Variants in HIVEP2 observed in about 807,000 individuals in gnomAD.
The protein encoded by HIVEP2 is HIVEP zinc finger 2, also known as transcription factor HIVEP2.
In HIVEP2, 14 loss-of-function variants were observed where a neutral mutation model predicts 180.7. The observed-to-expected ratio is 0.08, with a 90% confidence interval of 0.05 to 0.12. The LOEUF (loss-of-function observed/expected upper bound fraction) is 0.12, where lower values mean the gene tolerates loss of function less well. Ranked by LOEUF, HIVEP2 falls within the 10% of genes least tolerant of loss-of-function variation. The pLI, the probability that HIVEP2 is intolerant of heterozygous loss-of-function variation, is 1.00. For missense variants in HIVEP2, 2,579 were observed against 3,008.5 expected (o/e 0.86, Z 3.34); for synonymous variants, 1,184 against 1,136.4 (o/e 1.04, Z -0.84).
At position 142,772,939 on chromosome 6, in the gene HIVEP2, C is replaced by A. The variant is rs375815434; in HGVS notation, c.1800G>T (p.Ser600=). 6.2e-7 allele frequency: 1 copy of A among 1,614,144 alleles called. No individual in the cohort carries two copies. Among genetic ancestry groups the A allele is most frequent in the Non-Finnish European group, 8.5e-7 (1 of 1,180,026 alleles). ...CGACTTCCACGTGGCCCTCCTGTACCGAAGGCAGCTCAAATGCCGCTTGTC... is the reference window on the plus strand; with the variant it reads ...CGACTTCCACGTGGCCCTCCTGTACAGAAGGCAGCTCAAATGCCGCTTGTC... The part of the protein sequence containing the change: ...LRRQAAFELP[S]VQEGHVEVEH... Residue 600 remains serine (S), a synonymous_variant, in exon 5 of 10, where the codon TCG becomes TCT. Coordinates refer to ENST00000367603, the MANE Select transcript of HIVEP2 (RefSeq NM_006734.4). This position sits in a 1 kb window ranked among gnomAD's most constrained non-coding sequence, Gnocchi z 4.9.
At chr6:142,839,008 A>G (rs987277750) in intron 1 of HIVEP2, among the ~76,000 whole-genome samples, 5 of 152,110 alleles carry the variant, frequency 3.3e-5, no homozygotes, top group Admixed American at 3.3e-4. Flanking sequence ...CCCATAGAGT[A>G]CCTAAAAGTG....
intron 1 of HIVEP2, among the ~76,000 whole-genome samples, chr6:142,914,324 T>C (rs1352949557): frequency 2.6e-5 from 4 of 152,206 alleles, no homozygotes; most frequent in African/African-American, 9.6e-5. Flanking sequence ...TTTCCTTTCT[T>C]AGAGGTACAT....
intron 1 of HIVEP2, among the ~76,000 whole-genome samples, chr6:142,856,739 A>C (rs1775831549): frequency 6.6e-6 from 1 of 152,238 alleles, no homozygotes; most frequent in Non-Finnish European, 1.5e-5. Flanking sequence ...ATATCACTCA[A>C]CTTTCAAAAG....
intron 1 of HIVEP2, among the ~76,000 whole-genome samples, chr6:142,931,985 CATA>C (rs1204179189): frequency 6.6e-6 from 1 of 152,158 alleles, no homozygotes; most frequent in Admixed American, 6.5e-5. Context: ...GACACTTTCC[CATA>C]TTGGTGTGTG....
At chr6:142,787,928 A>G (rs962665207) in intron 2 of HIVEP2, among the ~76,000 whole-genome samples, 1 of 152,240 alleles carries the variant, frequency 6.6e-6, no homozygotes, top group African/African-American at 2.4e-5. Flanking sequence ...GGATTCCCAC[A>G]GAGTTTTCAT....
intron 2 of HIVEP2, among the ~76,000 whole-genome samples, chr6:142,804,223 C>T (rs951747121): frequency 3.3e-5 from 5 of 152,160 alleles, no homozygotes; most frequent in Admixed American, 1.3e-4. Context: ...TAAATGAATA[C>T]TATACGTAGT....
In HIVEP2 at chr6:142,774,488, T is replaced by C. The variant is rs1317684137; in HGVS notation, c.251A>G (p.Tyr84Cys). 6.2e-7 allele frequency: 1 copy of C among 1,613,954 alleles called. No individual in the cohort carries two copies. The highest frequency in any genetic ancestry group is 8.5e-7 in the Non-Finnish European group (1 of 1,180,026). Residue 84 changes from tyrosine to cysteine, a missense_variant, in exon 5 of 10, where the codon TAT (tyrosine) becomes TGT (cysteine). Tyr to Cys is a radical substitution (Grantham distance 194). This residue lies in a region of HIVEP2 where 207 missense variants were observed against 210.1 expected (regional missense o/e 0.99). Transcript: ENST00000367603. This position sits in a 1 kb window ranked among gnomAD's most constrained non-coding sequence, Gnocchi z 5.1. ...EVVQQVAEKQ[Y>C]PPHRPSPYSC... ...GTAAGGACTCGGACGATGCGGTGGATATTGCTTCTCTGCGACTTGCTGCAC... is the reference window on the plus strand; with the variant it reads ...GTAAGGACTCGGACGATGCGGTGGACATTGCTTCTCTGCGACTTGCTGCAC...
intron 1 of HIVEP2, among the ~76,000 whole-genome samples, chr6:142,901,814 T>C (rs985966315): frequency 1.3e-5 from 2 of 152,124 alleles, no homozygotes; most frequent in Non-Finnish European, 2.9e-5. Flanking sequence ...AAAATGACCT[T>C]CGTCTTAACC....
intron 1 of HIVEP2, among the ~76,000 whole-genome samples, chr6:142,901,146 A>G (rs1490749913): frequency 6.6e-6 from 1 of 152,236 alleles, no homozygotes; most frequent in Non-Finnish European, 1.5e-5. Context: ...TTGTAAATCA[A>G]TATGTCAAAA....
At position 142,846,425 on chromosome 6, in the gene HIVEP2, CCCGG is replaced by C. The variant is rs1277265201; in HGVS notation, c.-640-9382_-640-9379del. On this transcript the variant is annotated intron_variant, in intron 1 of 9. Coordinates refer to ENST00000367603, the MANE Select transcript of HIVEP2 (RefSeq NM_006734.4). ...ACAGCTAAGTGAGATGTGACATTCT[CCCGG>C]TCCCCTTAATAGGGCATTAAGTCTA... is the stretch of plus-strand genomic sequence containing the variant. Among the ~76,000 whole-genome samples, 7 of 152,196 alleles carry C rather than the reference CCCGG, an allele frequency of 4.6e-5. No homozygotes were observed. The East Asian group carries it at 1.3e-3, about 29-fold the overall frequency.
At chr6:142,777,304 G>T (rs1482457212) in intron 3 of HIVEP2, among the ~76,000 whole-genome samples, 1 of 152,176 alleles carries the variant, frequency 6.6e-6, no homozygotes, top group Non-Finnish European at 1.5e-5. Context: ...TACCAATATA[G>T]AAACTTGTTC....
chr6:142,784,557 A>T (rs573012354), intron 2 of HIVEP2, among the ~76,000 whole-genome samples: 1 of 152,348 alleles, frequency 6.6e-6, no homozygotes, highest in East Asian at 1.9e-4. Flanking sequence ...TCGGTTCCTC[A>T]AAAGACACAA....
chr6:142,922,360 C>A (rs2128434902), intron 1 of HIVEP2, among the ~76,000 whole-genome samples: 1 of 152,302 alleles, frequency 6.6e-6, no homozygotes, highest in South Asian at 2.1e-4. Flanking sequence ...TCTTGAATTG[C>A]AAGTCAGTTC....
chr6:142,816,716 A>G (rs772054480), intron 2 of HIVEP2, among the ~76,000 whole-genome samples: 19 of 152,366 alleles, frequency 1.2e-4, no homozygotes, highest in Middle Eastern at 3.4e-3. Flanking sequence ...TTAATGCACA[A>G]GGCTCTAAAT....
intron 6 of HIVEP2, among the ~76,000 whole-genome samples, chr6:142,765,241 G>A (rs1233370962): frequency 2.0e-5 from 3 of 152,152 alleles, no homozygotes; most frequent in African/African-American, 7.2e-5. Context: ...TTATAGAGTT[G>A]GGAAGTAGAT....
In HIVEP2 at chr6:142,778,864, C is replaced by G. The variant is rs148863373; in HGVS notation, c.-432-2673G>C. 2.7e-3 allele frequency among the ~76,000 whole-genome samples: 410 copies of G among 152,154 alleles called. 1 individual carries two copies. Among genetic ancestry groups the G allele is most frequent in the African/African-American group, 7.9e-3 (327 of 41,494 alleles). Reference sequence around the variant, plus strand: ...TAATATCTTCATCTAAATATTTCCACTTAACTTTAATATATGAAATGTCTC... The same window carrying G: ...TAATATCTTCATCTAAATATTTCCAGTTAACTTTAATATATGAAATGTCTC... On this transcript the variant is annotated intron_variant, in intron 3 of 9. Coordinates refer to ENST00000367603, the MANE Select transcript of HIVEP2 (RefSeq NM_006734.4).
At chr6:142,814,911 T>A (rs927862713) in intron 2 of HIVEP2, among the ~76,000 whole-genome samples, 3 of 152,176 alleles carry the variant, frequency 2.0e-5, no homozygotes, top group Non-Finnish European at 4.4e-5. Flanking sequence ...TATAACAGAA[T>A]ACCACAGACT....
intron 1 of HIVEP2, among the ~76,000 whole-genome samples, chr6:142,936,133 G>A (rs1353495702): frequency 6.6e-6 from 1 of 151,778 alleles, no homozygotes; most frequent in Non-Finnish European, 1.5e-5. Context: ...AAAAGGATGT[G>A]TCATTTGTAA....
In HIVEP2 at chr6:142,897,126, C is replaced by CA. The variant is rs529719548; in HGVS notation, c.-641+47972dup. ...TTATAAAAAGAGAATATACAACAGC[C>CA]AAAAAAAATAGGAAAAGGGGCTCAA... On this transcript the variant is annotated intron_variant, in intron 1 of 9. Coordinates refer to ENST00000367603, the MANE Select transcript of HIVEP2 (RefSeq NM_006734.4). Among the ~76,000 whole-genome samples, 584 of 150,640 alleles carry CA rather than the reference C, an allele frequency of 3.9e-3. 5 individuals are homozygous for CA. The highest frequency in any genetic ancestry group is 0.013 in the African/African-American group (524 of 41,090).
Sources: gnomAD v4.1 joint callset for allele counts (sites outside exome capture counted in the v4.1 genomes callset) on GRCh38, gnomAD v4.1.1 for gene constraint, gnomAD v4.1.1 regional missense constraint, Gnocchi (gnomAD v3.1) non-coding constraint, MANE v1.5 for transcripts, NCBI Gene and HGNC (gene_info 2026-07-23, HGNC 2026-07-21) for gene names.